Variants in PLCG1 observed in about 807,000 individuals in gnomAD.
PLCG1 encodes phospholipase C gamma 1, also known as 1-phosphatidylinositol 4,5-bisphosphate phosphodiesterase gamma-1.
PLCG1 carries 71 observed loss-of-function variants against 177.8 expected under a neutral mutation model. That is an observed-to-expected ratio of 0.40 (90% CI 0.33 to 0.49). The LOEUF is 0.49. PLCG1 is among the 20% of genes least tolerant of loss of function. The pLI, the probability that PLCG1 is intolerant of heterozygous loss-of-function variation, is 0.72. For missense variants in PLCG1, 1,281 were observed against 1,709.0 expected (o/e 0.75, Z 4.42); for synonymous variants, 658 against 647.9 (o/e 1.02, Z -0.24).
chr20:41,155,767 G>C (rs955054172), intron 1 of PLCG1, among the ~76,000 whole-genome samples: 5 of 152,174 alleles, frequency 3.3e-5, no homozygotes, highest in African/African-American at 9.7e-5. Flanking sequence ...CACACAGGTA[G>C]ACAGGTGGGC....
At position 41,150,249 on chromosome 20, in the gene PLCG1, T is replaced by C. The variant is rs1387656348; in HGVS notation, c.218-9357T>C. On this transcript the variant is annotated intron_variant, in intron 1 of 31. Transcript: ENST00000685551. This position sits in a 1 kb window ranked among gnomAD's most constrained non-coding sequence, Gnocchi z 4.0. ...TGGGAGGCCGAAGTGAGAGGATCACTTGAGGCCAGGAGTTTGAGACAAGCT... is the reference window on the plus strand; with the variant it reads ...TGGGAGGCCGAAGTGAGAGGATCACCTGAGGCCAGGAGTTTGAGACAAGCT... Among the ~76,000 whole-genome samples the C allele has an allele frequency of 6.6e-6, 1 of 152,206 alleles. No individual in the cohort carries two copies. The highest frequency in any genetic ancestry group is 1.5e-5 in the Non-Finnish European group (1 of 68,030).
intron 1 of PLCG1, chr20:41,138,140 T>A: frequency 3.5e-6 from 1 of 286,448 alleles, no homozygotes; most frequent in Non-Finnish European, 6.5e-6. Flanking sequence ...GCTGGAGACC[T>A]GCGGTGCAGG....
rs2035576279 is a variant in PLCG1, at chr20:41,163,329, A to ATCCCT, written c.790-48_790-44dup. 6.2e-7 allele frequency: 1 copy of ATCCCT among 1,600,380 alleles called. No homozygotes were observed. The highest frequency in any genetic ancestry group is 1.3e-5 in the African/African-American group (1 of 74,474). ...TGGTAGGTTGTGGGGGGCTGGGCTC[A>ATCCCT]TCCCTGACTGGAGGCTTCTCTCATC... On this transcript the variant is annotated intron_variant, in intron 8 of 31. Coordinates refer to ENST00000685551, the MANE Select transcript of PLCG1 (RefSeq NM_002660.3). This position sits in a 1 kb window ranked among gnomAD's most constrained non-coding sequence, Gnocchi z 5.2.
rs1301041065 is a variant in PLCG1 at position 41,159,670 on chromosome 20, A to G, written c.282A>G (p.Gln94=). Residue 94 remains glutamine, a synonymous_variant, in exon 2 of 32, where the codon CAA becomes CAG. Transcript: ENST00000685551. The surrounding 1 kb of genome is among the most constrained non-coding windows in gnomAD (Gnocchi z 6.0). Reference sequence around the variant, plus strand: ...CCTCACGGGACTTTGATCGCTATCAAGAGGACCCAGCTTTCCGGCCGGACC... The same window carrying G: ...CCTCACGGGACTTTGATCGCTATCAGGAGGACCCAGCTTTCCGGCCGGACC... ...GKTSRDFDRY[Q]EDPAFRPDQS... 1.2e-6 allele frequency: 2 copies of G among 1,614,126 alleles called. No homozygotes were observed. Among genetic ancestry groups the G allele is most frequent in the East Asian group, 4.5e-5 (2 of 44,906 alleles).
intron 1 of PLCG1, among the ~76,000 whole-genome samples, chr20:41,140,852 G>A (rs908449812): frequency 2.6e-5 from 4 of 152,222 alleles, no homozygotes; most frequent in African/African-American, 4.8e-5. Context: ...TGAGCAAATG[G>A]AAATGGAGAA....
chr20:41,171,811 C>T (rs965560617), intron 24 of PLCG1, among the ~76,000 whole-genome samples: 6 of 152,058 alleles, frequency 3.9e-5, no homozygotes, highest in Non-Finnish European at 8.8e-5. Context: ...ACAGGTAACA[C>T]AGAAGAATCA....
chr20:41,173,451 G>T lies in PLCG1; in HGVS notation c.3311G>T (p.Gly1104Val). The change falls in exon 28 of 32, where the codon GGC (glycine) becomes GTC (valine). Residue 1104 changes from glycine (G) to valine (V), a missense_variant. Gly to Val is a moderately radical substitution (Grantham distance 109). Coordinates refer to ENST00000685551, the MANE Select transcript of PLCG1 (RefSeq NM_002660.3). The surrounding 1 kb of genome is among the most constrained non-coding windows in gnomAD (Gnocchi z 6.2). ...GGGGCCCGACATCTGCCAAAGAATG[G>T]CCGAGGCATTGTGTGTCCTTTTGTG... The part of the protein sequence containing the change: ...VLGARHLPKN[G>V]RGIVCPFVEI... 1 of 1,611,134 alleles carries T rather than the reference G, an allele frequency of 6.2e-7. No individual in the cohort carries two copies. Among genetic ancestry groups the T allele is most frequent in the Non-Finnish European group, 8.5e-7 (1 of 1,178,112 alleles).
At position 41,138,726 on chromosome 20, in the gene PLCG1, CTT is replaced by C. The variant is rs139816350; in HGVS notation, c.217+869_217+870del. On this transcript the variant is annotated intron_variant, in intron 1 of 31. Coordinates refer to ENST00000685551, the MANE Select transcript of PLCG1 (RefSeq NM_002660.3). ...GCTTCAGGGAGCGGGAGCGGCTTCT[CTT>C]AGTTTCCTGCCTTTTCGCCTTCCCA... is the stretch of plus-strand genomic sequence containing the variant. Among the ~76,000 whole-genome samples, 332 of 152,298 alleles carry C rather than the reference CTT, an allele frequency of 2.2e-3. 1 individual carries two copies. Among genetic ancestry groups the C allele is most frequent in the African/African-American group, 7.6e-3 (314 of 41,554 alleles).
At position 41,164,210 on chromosome 20, in the gene PLCG1, G is replaced by A. The variant is rs1385058163; in HGVS notation, c.1217+9G>A. The A allele has an allele frequency of 6.2e-7, 1 of 1,613,924 alleles. No homozygotes were observed. Among genetic ancestry groups the A allele is most frequent in the Admixed American group, 1.7e-5 (1 of 60,014 alleles). On this transcript the variant is annotated intron_variant, in intron 12 of 31. Coordinates refer to ENST00000685551, the MANE Select transcript of PLCG1 (RefSeq NM_002660.3). The surrounding 1 kb of genome is among the most constrained non-coding windows in gnomAD (Gnocchi z 6.4). ...GCCTTTGTGGCCTCAGAGTGAGTCG[G>A]AGGCTGGATGACCCAGGGGTTAACT...
chr20:41,165,509 C>T lies in PLCG1; in HGVS notation c.1569C>T (p.Thr523=). The change falls in exon 15 of 32, where the codon ACC becomes ACT. Residue 523 remains threonine (T), a synonymous_variant. Transcript: ENST00000685551. The surrounding 1 kb of genome is among the most constrained non-coding windows in gnomAD (Gnocchi z 6.6). ...TSSKIYYSEE[T]SSDQGNEDEE... Reference sequence around the variant, plus strand: ...GCAAGATCTACTACTCTGAGGAGACCAGCAGTGACCAGGGCAACGAGGATG... The same window carrying T: ...GCAAGATCTACTACTCTGAGGAGACTAGCAGTGACCAGGGCAACGAGGATG... 1 of 1,613,996 alleles carries T rather than the reference C, an allele frequency of 6.2e-7. No homozygotes were observed. The highest frequency in any genetic ancestry group is 1.1e-5 in the South Asian group (1 of 91,068).
At position 41,163,547 on chromosome 20, in the gene PLCG1, C is replaced by G. The variant is rs1269214917; in HGVS notation, c.891+68C>G. On this transcript the variant is annotated intron_variant, in intron 9 of 31. Coordinates refer to ENST00000685551, the MANE Select transcript of PLCG1 (RefSeq NM_002660.3). The surrounding 1 kb of genome is among the most constrained non-coding windows in gnomAD (Gnocchi z 5.2). ...AGGGGTGACCAGGACCCCACCCGGG[C>G]TCCAGGAGCTAGACGCTCCTTAGGG... The G allele has an allele frequency of 1.6e-6, 2 of 1,229,136 alleles. No individual in the cohort carries two copies. The highest frequency in any genetic ancestry group is 2.4e-6 in the Non-Finnish European group (2 of 834,562). 76.1% of individuals were successfully genotyped at this position (1,229,136 alleles called of 1,614,324 possible).
At position 41,166,148 on chromosome 20, in the gene PLCG1, C is replaced by T. The variant is rs763232433; in HGVS notation, c.1800-46C>T. The T allele has an allele frequency of 1.0e-5, 16 of 1,548,826 alleles. No homozygotes were observed. Among genetic ancestry groups the T allele is most frequent in the Non-Finnish European group, 1.4e-5 (16 of 1,129,724 alleles). ...TTGGGGTGGAACTTGGTCTTTGGGG[C>T]CCTGGCCTGTTTTCCCCAGCCTCCC... On this transcript the variant is annotated intron_variant, in intron 16 of 31. Coordinates refer to ENST00000685551, the MANE Select transcript of PLCG1 (RefSeq NM_002660.3). This position sits in a 1 kb window ranked among gnomAD's most constrained non-coding sequence, Gnocchi z 8.6.
rs1197606589 is a variant in PLCG1, at chr20:41,150,012, G to A, written c.218-9594G>A. Among the ~76,000 whole-genome samples the A allele has an allele frequency of 8.6e-5, 13 of 152,012 alleles. No individual in the cohort carries two copies. The highest frequency in any genetic ancestry group is 3.1e-4 in the African/African-American group (13 of 41,382). The stretch of plus-strand genomic sequence containing the variant: ...AGTTCAAGAACAGCCTGGGCAACAT[G>A]GCAAAACACCATCTCTGCAAAAAAT... On this transcript the variant is annotated intron_variant, in intron 1 of 31. Transcript: ENST00000685551. This position sits in a 1 kb window ranked among gnomAD's most constrained non-coding sequence, Gnocchi z 4.0.
rs1343317065 is a variant in PLCG1 at position 41,168,864 on chromosome 20, G to A, written c.2477G>A (p.Gly826Glu). 4 of 1,607,236 alleles carry A rather than the reference G, an allele frequency of 2.5e-6. No individual in the cohort carries two copies. Among genetic ancestry groups the A allele is most frequent in the African/African-American group, 1.3e-5 (1 of 74,840 alleles). The change falls in exon 21 of 32, where the codon GGA becomes GAA. Residue 826 changes from glycine (G) to glutamate (E), a missense_variant. Around this residue, in one of 4 missense-constraint regions of PLCG1, gnomAD observed 723 missense variants for 1,030.0 expected, o/e 0.70. Coordinates refer to ENST00000685551, the MANE Select transcript of PLCG1 (RefSeq NM_002660.3). The part of the protein sequence containing the change: ...AIIQNVEKQE[G>E]GWWRGDYGGK... ...ATCCAGAATGTGGAGAAGCAAGAGG[G>A]AGGCTGGTAAGCCAGTGGTGTGGTA... is the stretch of plus-strand genomic sequence containing the variant.
At chr20:41,169,222 C>A in intron 22 of PLCG1, 47 bp downstream of exon 22, 1 of 1,364,596 alleles carries the variant, frequency 7.3e-7, no homozygotes, top group South Asian at 1.2e-5. Flanking sequence ...TTCCCAGATT[C>A]TCCTTGGCAT....
chr20:41,163,248 C>G lies in PLCG1; in HGVS notation c.762C>G (p.Phe254Leu), dbSNP rs372806807. ...PELCRVSLPEFQQFLLDYQGE... is the reference protein window; with the variant it reads ...PELCRVSLPELQQFLLDYQGE... ...TTTGCCGAGTGTCCCTTCCTGAGTT[C>G]CAGCAGTTCCTTCTTGACTACCAGG... Residue 254 changes from phenylalanine (F) to leucine (L), a missense_variant, in exon 8 of 32, where the codon TTC becomes TTG. By Grantham distance (22) the Phe-to-Leu change is conservative. Transcript: ENST00000685551. The surrounding 1 kb of genome is among the most constrained non-coding windows in gnomAD (Gnocchi z 5.2). 3 of 1,553,548 alleles carry G rather than the reference C, an allele frequency of 1.9e-6. No individual in the cohort carries two copies. The highest frequency in any genetic ancestry group is 2.6e-6 in the Non-Finnish European group (3 of 1,152,488).
At chr20:41,155,204 T>G (rs1460723666) in intron 1 of PLCG1, among the ~76,000 whole-genome samples, 1 of 152,212 alleles carries the variant, frequency 6.6e-6, no homozygotes, top group Non-Finnish European at 1.5e-5. Flanking sequence ...TGGCCCCAGG[T>G]GCCAGGCAGC....
In PLCG1 at chr20:41,165,468, T is replaced by G. The variant is rs759669631; in HGVS notation, c.1528T>G (p.Phe510Val). The G allele has an allele frequency of 6.2e-7, 1 of 1,614,066 alleles. No individual in the cohort carries two copies. The highest frequency in any genetic ancestry group is 8.5e-7 in the Non-Finnish European group (1 of 1,179,968). Residue 510 changes from phenylalanine (F) to valine (V), a missense_variant, in exon 15 of 32, where the codon TTT becomes GTT. By Grantham distance (50) the Phe-to-Val change is conservative. Around this residue, in one of 4 missense-constraint regions of PLCG1, gnomAD observed 723 missense variants for 1,030.0 expected, o/e 0.70. Coordinates refer to ENST00000685551, the MANE Select transcript of PLCG1 (RefSeq NM_002660.3). This position sits in a 1 kb window ranked among gnomAD's most constrained non-coding sequence, Gnocchi z 6.6. Reference protein sequence around the residue: ...PVNHEWYPHYFVLTSSKIYYS... With the variant: ...PVNHEWYPHYVVLTSSKIYYS... ...GTTCCAGGAATGGTATCCCCACTAC[T>G]TTGTTCTGACCAGCAGCAAGATCTA...
rs2146062087 is a variant in PLCG1, at chr20:41,172,231, T to C, written c.2847T>C (p.Ile949=). ...EGKIMERRKK[I]ALELSELVVY... The stretch of plus-strand genomic sequence containing the variant: ...AGATAATGGAACGGAGGAAGAAGAT[T>C]GCCCTGGAGCTCTCTGAACTTGTCG... The change falls in exon 25 of 32, where the codon ATT becomes ATC. Residue 949 remains isoleucine, a synonymous_variant. Transcript: ENST00000685551. This position sits in a 1 kb window ranked among gnomAD's most constrained non-coding sequence, Gnocchi z 7.0. 6.2e-7 allele frequency: 1 copy of C among 1,614,152 alleles called. No homozygotes were observed. The highest frequency in any genetic ancestry group is 2.2e-5 in the East Asian group (1 of 44,874).
Sources: allele counts gnomAD v4.1 joint callset (sites outside exome capture counted in the v4.1 genomes callset), GRCh38; gene constraint gnomAD v4.1.1; regional missense constraint gnomAD v4.1.1; non-coding constraint Gnocchi (gnomAD v3.1); transcripts MANE v1.5; gene names NCBI Gene and HGNC (gene_info 2026-07-23, HGNC 2026-07-21).